Variants in ERG observed in about 807,000 individuals in gnomAD.
ERG encodes ETS transcription factor ERG, also known as transcriptional regulator ERG.
Under a neutral mutation model 55.3 loss-of-function variants are expected in ERG, and 9 were observed. That is an observed-to-expected ratio of 0.16 (90% CI 0.10 to 0.28). The LOEUF (loss-of-function observed/expected upper bound fraction) is 0.28, where lower values mean the gene tolerates loss of function less well. Ranked by LOEUF, ERG falls within the 10% of genes least tolerant of loss-of-function variation. The pLI, the probability that ERG is intolerant of heterozygous loss-of-function variation, is 1.00. For missense variants in ERG, 434 were observed against 631.6 expected (o/e 0.69, Z 3.35); for synonymous variants, 223 against 237.3 (o/e 0.94, Z 0.55).
At chr21:38,639,572 G>C (rs1349710656) in intron 1 of ERG, among the ~76,000 whole-genome samples, 1 of 151,814 alleles carries the variant, frequency 6.6e-6, no homozygotes, top group African/African-American at 2.4e-5. Context: ...AACTGAAGAG[G>C]CCCACTGAGT....
At chr21:38,423,650 A>C in intron 2 of ERG, 89 bp from the exon 3 acceptor site, 1 of 1,381,144 alleles carries the variant, frequency 7.2e-7, no homozygotes, top group South Asian at 1.4e-5. Context: ...AGAACCAAAG[A>C]AGGGCAAGGC....
chr21:38,417,373 C>A (rs1042785987), intron 3 of ERG, among the ~76,000 whole-genome samples: 1 of 152,190 alleles, frequency 6.6e-6, no homozygotes, highest in Non-Finnish European at 1.5e-5. Context: ...AAGAATGTGG[C>A]TACTCTTATC....
At chr21:38,446,643 T>G (rs1435961324) in intron 1 of ERG, among the ~76,000 whole-genome samples, 1 of 152,018 alleles carries the variant, frequency 6.6e-6, no homozygotes, top group Non-Finnish European at 1.5e-5. Context: ...TGACATCAAC[T>G]AGTGAGAAGC....
At chr21:38,373,514 T>C in the ERG span, among the ~76,000 whole-genome samples, 1 of 152,208 alleles carries the variant, frequency 6.6e-6, no homozygotes, top group Non-Finnish European at 1.5e-5. Context: ...TTTTTTTCTG[T>C]ATCACGTTCT....
intron 4 of ERG, among the ~76,000 whole-genome samples, 157 bp from the exon 5 acceptor site, chr21:38,402,794 T>C (rs1485239054): frequency 6.7e-6 from 1 of 150,120 alleles, no homozygotes; most frequent in African/African-American, 2.5e-5. Flanking sequence ...GGGAAGCTTA[T>C]AACTATTTCC....
At chr21:38,377,910 C>A (rs767833049), downstream of ERG, among the ~76,000 whole-genome samples, 10 of 152,158 alleles carry the variant, frequency 6.6e-5, no homozygotes, top group Non-Finnish European at 1.5e-4. Flanking sequence ...GGTGGTCTTC[C>A]TCATAAGTGA....
chr21:38,497,930 C>G (rs1384600285), intron 1 of ERG, among the ~76,000 whole-genome samples: 1 of 152,180 alleles, frequency 6.6e-6, no homozygotes, highest in African/African-American at 2.4e-5. Flanking sequence ...GCCTGGCATC[C>G]CTGATGCTAA....
At chr21:38,375,577 G>C (rs530033805), downstream of ERG, among the ~76,000 whole-genome samples, 5 of 152,194 alleles carry the variant, frequency 3.3e-5, no homozygotes, top group African/African-American at 1.2e-4. Context: ...CATTCCCACA[G>C]AGCCCGACAC....
At chr21:38,630,534 G>A (rs1182784058) in intron 1 of ERG, among the ~76,000 whole-genome samples, 1 of 152,178 alleles carries the variant, frequency 6.6e-6, no homozygotes, top group African/African-American at 2.4e-5. Flanking sequence ...TCTGGAAGTG[G>A]CACACAGTCC....
chr21:38,612,289 TTTC>T (rs2060232292), intron 1 of ERG, among the ~76,000 whole-genome samples: 1 of 152,198 alleles, frequency 6.6e-6, no homozygotes, highest in African/African-American at 2.4e-5. Flanking sequence ...TAATTTTACC[TTTC>T]TTCTTTTTTT....
At chr21:38,579,914 G>A (rs1389134917) in intron 1 of ERG, among the ~76,000 whole-genome samples, 5 of 151,188 alleles carry the variant, frequency 3.3e-5, no homozygotes, top group South Asian at 2.1e-4. Flanking sequence ...TCTGCCTCCC[G>A]GGTTCACACC....
intron 2 of ERG, among the ~76,000 whole-genome samples, chr21:38,551,788 C>T (rs182467339): frequency 2.2e-4 from 34 of 152,090 alleles, no homozygotes; most frequent in Admixed American, 1.3e-3. Flanking sequence ...GTATGTGCCA[C>T]GTGTAGGTGA....
the ERG span, among the ~76,000 whole-genome samples, chr21:38,372,757 G>A: frequency 6.6e-6 from 1 of 150,486 alleles, no homozygotes; most frequent in Non-Finnish European, 1.5e-5. Context: ...GTAAGAATTT[G>A]TATTTTTTAG....
At chr21:38,399,698 T>C (rs1988395805) in intron 6 of ERG, among the ~76,000 whole-genome samples, 1 of 152,244 alleles carries the variant, frequency 6.6e-6, no homozygotes, top group African/African-American at 2.4e-5. Flanking sequence ...GCCATTCCTC[T>C]GGAAAGCATC....
chr21:38,434,617 C>T (rs1990370660), intron 2 of ERG, among the ~76,000 whole-genome samples: 1 of 152,148 alleles, frequency 6.6e-6, no homozygotes, highest in Non-Finnish European at 1.5e-5. Flanking sequence ...AGAGAAAGCC[C>T]CTCGTGTTGC....
intron 1 of ERG, among the ~76,000 whole-genome samples, chr21:38,593,399 G>C (rs1434601973): frequency 6.6e-6 from 1 of 152,154 alleles, no homozygotes; most frequent in Non-Finnish European, 1.5e-5. Context: ...CATTTTACAA[G>C]AGCAGACAAC....
At chr21:38,390,881 TA>T in intron 9 of ERG, 113 bp downstream of exon 9, 1 of 830,074 alleles carries the variant, frequency 1.2e-6, no homozygotes, top group Non-Finnish European at 2.0e-6. Context: ...CAGTGAGACC[TA>T]AAACTAAAAT....
intron 1 of ERG, among the ~76,000 whole-genome samples, chr21:38,622,288 G>A (rs778418200): frequency 6.6e-5 from 10 of 152,132 alleles, no homozygotes; most frequent in Non-Finnish European, 8.8e-5. Flanking sequence ...ACTGAAGGCC[G>A]GCTCACAGCT....
Position 38,460,946 on chromosome 21 carries a change from T to C in ERG, c.19-15325A>G, listed in dbSNP as rs1347683378. On this transcript the variant is annotated intron_variant, in intron 1 of 9. Transcript: ENST00000288319. This position sits in a 1 kb window ranked among gnomAD's most constrained non-coding sequence, Gnocchi z 5.0. ...GAGAACCTGGATTCCCAGAGCTCTA[T>C]CTGGTAGAACGTGTCTCCATATTAA... Among the ~76,000 whole-genome samples the C allele has an allele frequency of 6.6e-6, 1 of 152,234 alleles. No homozygotes were observed. Among genetic ancestry groups the C allele is most frequent in the Non-Finnish European group, 1.5e-5 (1 of 68,042 alleles).
Sources: allele counts gnomAD v4.1 joint callset (sites outside exome capture counted in the v4.1 genomes callset), GRCh38; gene constraint gnomAD v4.1.1; non-coding constraint Gnocchi (gnomAD v3.1); transcripts MANE v1.5; gene names NCBI Gene and HGNC (gene_info 2026-07-23, HGNC 2026-07-21).